Variants in KAT6B observed in about 807,000 individuals in gnomAD.
The protein encoded by KAT6B is lysine acetyltransferase 6B.
In KAT6B, 10 loss-of-function variants were observed where a neutral mutation model predicts 187.5. That is an observed-to-expected ratio of 0.05 (90% CI 0.03 to 0.09). KAT6B has a LOEUF of 0.09. KAT6B is among the 10% of genes least tolerant of loss of function. KAT6B has a pLI of 1.00. For synonymous variants in KAT6B, 861 were observed against 926.8 expected, an observed-to-expected ratio of 0.93 and a Z score of 1.29; for missense variants, 1,952 against 2,558.9, an observed-to-expected ratio of 0.76 and a Z score of 5.12.
chr10:75,012,820 C>T lies in KAT6B; in HGVS notation c.2630-7762C>T, dbSNP rs138923831. 2.0e-5 allele frequency among the ~76,000 whole-genome samples: 3 copies of T among 152,300 alleles called. No individual in the cohort carries two copies. The East Asian group carries it at 5.8e-4, about 29-fold the overall frequency. On this transcript the variant is annotated intron_variant, in intron 13 of 17. Coordinates refer to ENST00000287239, the MANE Select transcript of KAT6B (RefSeq NM_012330.4). ...TGGTCAGTCAGCTCAGAGACACAGG[C>T]ACACCACACGGCATCGGGGAGTCAC...
At chr10:74,999,493 T>A (rs1843682518) in intron 13 of KAT6B, among the ~76,000 whole-genome samples, 1 of 152,040 alleles carries the variant, frequency 6.6e-6, no homozygotes, top group Admixed American at 6.5e-5. Context: ...TCTAAGGGAC[T>A]AATAAAGAAT....
intron 13 of KAT6B, among the ~76,000 whole-genome samples, chr10:74,997,543 C>T (rs778146348): frequency 2.0e-5 from 3 of 152,134 alleles, no homozygotes; most frequent in Non-Finnish European, 4.4e-5. Flanking sequence ...CTGTTAGCCA[C>T]TCCACTCCGA....
chr10:74,905,310 C>G (rs1589591406), intron 3 of KAT6B, among the ~76,000 whole-genome samples: 1 of 152,276 alleles, frequency 6.6e-6, no homozygotes, highest in East Asian at 1.9e-4. Flanking sequence ...CAGAGTTAAC[C>G]TGCCTGCTCT....
At chr10:74,900,050 A>AT (rs1292389939) in intron 3 of KAT6B, among the ~76,000 whole-genome samples, 2 of 152,082 alleles carry the variant, frequency 1.3e-5, no homozygotes, top group African/African-American at 4.8e-5. Flanking sequence ...GCAAAGTGTG[A>AT]TTTTATCTGT....
chr10:74,888,881 T>TA (rs779093514), intron 3 of KAT6B, among the ~76,000 whole-genome samples: 22 of 152,240 alleles, frequency 1.4e-4, no homozygotes, highest in Admixed American at 2.0e-4. Context: ...CTCTCTCAGA[T>TA]ACGTTTTTAG....
intron 4 of KAT6B, among the ~76,000 whole-genome samples, chr10:74,964,025 G>A (rs1195854590): frequency 6.6e-6 from 1 of 152,200 alleles, no homozygotes; most frequent in East Asian, 1.9e-4. Context: ...CAGCTACTCG[G>A]AAGGCTGAGG....
In KAT6B at chr10:74,975,786, C is replaced by T; in HGVS notation, c.1449C>T (p.Thr483=). 1.2e-6 allele frequency: 2 copies of T among 1,614,174 alleles called. No homozygotes were observed. The highest frequency in any genetic ancestry group is 1.7e-6 in the Non-Finnish European group (2 of 1,180,034). The change falls in exon 8 of 18, where the codon ACC becomes ACT. Residue 483 remains threonine, a synonymous_variant. Coordinates refer to ENST00000287239, the MANE Select transcript of KAT6B (RefSeq NM_012330.4). ...CTTCTCATGTGTTGGCTACAGGTAC[C>T]ACACAAAAGCTAAAACCTCCACCTT... The part of the protein sequence containing the change: ...SCTSHVLATG[T]TQKLKPPPSS...
rs1846340053 is a variant in KAT6B at position 75,031,874 on chromosome 10, G to A, written c.*828G>A. The stretch of plus-strand genomic sequence containing the variant: ...TTCATATATGTCCAAATACTTGGCA[G>A]GATTTAAAAAAAAATAGTGAATTTG... On this transcript the variant is annotated 3_prime_UTR_variant, in exon 18 of 18. Coordinates refer to ENST00000287239, the MANE Select transcript of KAT6B (RefSeq NM_012330.4). 5.1e-6 allele frequency: 1 copy of A among 197,168 alleles called. No individual in the cohort carries two copies. Among genetic ancestry groups the A allele is most frequent in the Admixed American group, 6.1e-5 (1 of 16,480 alleles). The allele number at this position is 197,168 out of a possible 1,614,324, so 12.2% of individuals were successfully genotyped here.
At chr10:74,895,649 C>A (rs113717682) in intron 3 of KAT6B, among the ~76,000 whole-genome samples, 1 of 152,110 alleles carries the variant, frequency 6.6e-6, no homozygotes, top group Non-Finnish European at 1.5e-5. Flanking sequence ...AAGCGATTCT[C>A]GTGCCCCAGC....
intron 13 of KAT6B, among the ~76,000 whole-genome samples, chr10:75,013,978 C>G (rs1415104703): frequency 3.3e-5 from 5 of 152,194 alleles, no homozygotes; most frequent in African/African-American, 1.2e-4. Context: ...CCCTGTTACC[C>G]AGCTTTAAAA....
intron 1 of KAT6B, among the ~76,000 whole-genome samples, chr10:74,829,697 G>A (rs935734768): frequency 1.3e-5 from 2 of 151,366 alleles, no homozygotes; most frequent in Non-Finnish European, 2.9e-5. Context: ...CACTCACCTC[G>A]GCCTCCCAGA....
At chr10:74,970,177 A>G (rs1841754188) in intron 6 of KAT6B, 76 bp downstream of exon 6, 1 of 1,068,232 alleles carries the variant, frequency 9.4e-7, no homozygotes, top group Admixed American at 1.8e-5. Context: ...GACAGCTCAG[A>G]GGTATACAGG....
At chr10:74,943,364 T>C (rs986195132) in intron 3 of KAT6B, among the ~76,000 whole-genome samples, 5 of 152,198 alleles carry the variant, frequency 3.3e-5, no homozygotes, top group African/African-American at 1.2e-4. Flanking sequence ...CATAGAAGAC[T>C]GATAATGTTA....
At chr10:74,987,232 G>A (rs1371946019) in intron 12 of KAT6B, among the ~76,000 whole-genome samples, 4 of 152,036 alleles carry the variant, frequency 2.6e-5, no homozygotes, top group Non-Finnish European at 5.9e-5. Context: ...TCAAGAGATC[G>A]AGAGACCATC....
intron 3 of KAT6B, among the ~76,000 whole-genome samples, chr10:74,853,048 C>T (rs1842577171): frequency 6.7e-6 from 1 of 150,334 alleles, no homozygotes; most frequent in African/African-American, 2.4e-5. Flanking sequence ...TTTAATGTTT[C>T]TCAAAAATGA....
intron 3 of KAT6B, among the ~76,000 whole-genome samples, chr10:74,923,224 G>A (rs955170889): frequency 2.6e-5 from 4 of 152,184 alleles, no homozygotes; most frequent in Non-Finnish European, 5.9e-5. Context: ...TATAGAAAAG[G>A]AGTAGGAGAA....
At chr10:74,995,603 A>G (rs542308453) in intron 13 of KAT6B, among the ~76,000 whole-genome samples, 22 of 152,286 alleles carry the variant, frequency 1.4e-4, no homozygotes, top group African/African-American at 5.3e-4. Flanking sequence ...GTAGCATACT[A>G]TAGGTAGTCT....
At chr10:74,867,911 G>C (rs1843667727) in intron 3 of KAT6B, among the ~76,000 whole-genome samples, 1 of 152,180 alleles carries the variant, frequency 6.6e-6, no homozygotes, top group African/African-American at 2.4e-5. Context: ...TGATGGAAGT[G>C]AATGAGCAAA....
At chr10:74,998,716 C>T (rs183712806) in intron 13 of KAT6B, among the ~76,000 whole-genome samples, 10 of 152,122 alleles carry the variant, frequency 6.6e-5, no homozygotes, top group African/African-American at 7.2e-5. Context: ...CCCAGGAGTT[C>T]GAGGCCAGCC....
Sources: allele counts gnomAD v4.1 joint callset (sites outside exome capture counted in the v4.1 genomes callset), GRCh38; gene constraint gnomAD v4.1.1; transcripts MANE v1.5; gene names NCBI Gene and HGNC (gene_info 2026-07-23, HGNC 2026-07-21).